The following WARS2 variants were observed in gnomAD, a reference collection of about 807,000 sequenced individuals.
WARS2 encodes the protein tryptophanyl tRNA synthetase 2, mitochondrial.
In WARS2, 28 loss-of-function variants were observed where a neutral mutation model predicts 36.5. The observed-to-expected ratio is 0.77, with a 90% CI of 0.57 to 1.05. The LOEUF is 1.05. WARS2 is among the 50% of genes least tolerant of loss of function. The probability of loss-of-function intolerance (pLI) is 0.00; values close to 1 mark genes in which losing one functional copy is unlikely to be tolerated. For synonymous variants in WARS2, 174 were observed against 178.4 expected (o/e 0.98, Z 0.20); for missense variants, 435 against 456.8 (o/e 0.95, Z 0.44).
intron 3 of WARS2, 130 bp from the exon 4 acceptor site, chr1:119,042,479 T>C (rs189518072): frequency 1.3e-6 from 1 of 745,660 alleles, no homozygotes; most frequent in African/African-American, 1.7e-5. Flanking sequence ...ACATTATACA[T>C]CGGTTCCTTT....
intron 1 of WARS2, among the ~76,000 whole-genome samples, chr1:119,125,329 C>T (rs1056024898): frequency 6.6e-6 from 1 of 152,110 alleles, no homozygotes; most frequent in Non-Finnish European, 1.5e-5. Flanking sequence ...AACTGTGATA[C>T]CCTTTGGCAG....
chr1:119,089,961 A>G (rs1342786954), intron 1 of WARS2, among the ~76,000 whole-genome samples: 1 of 152,108 alleles, frequency 6.6e-6, no homozygotes, highest in Non-Finnish European at 1.5e-5. Context: ...AACACCACAC[A>G]CTGAGGCCTG....
chr1:119,094,711 G>A (rs924667517), intron 1 of WARS2, among the ~76,000 whole-genome samples: 1 of 151,988 alleles, frequency 6.6e-6, no homozygotes, highest in Non-Finnish European at 1.5e-5. Context: ...GCTAAATTCT[G>A]ATTTAATATC....
intron 1 of WARS2, among the ~76,000 whole-genome samples, chr1:119,091,721 A>T (rs1653059048): frequency 6.6e-6 from 1 of 152,238 alleles, no homozygotes; most frequent in Middle Eastern, 3.4e-3. Context: ...TGCTAATTCT[A>T]AACACAGGTG....
intron 1 of WARS2, among the ~76,000 whole-genome samples, chr1:119,112,513 CAGA>C (rs757239240): frequency 1.3e-5 from 2 of 152,188 alleles, no homozygotes; most frequent in African/African-American, 2.4e-5. Context: ...ATGCAGAACA[CAGA>C]AGGACTGAGC....
intron 1 of WARS2, among the ~76,000 whole-genome samples, chr1:119,110,140 T>G (rs1346991953): frequency 3.3e-5 from 5 of 152,046 alleles, no homozygotes; most frequent in Non-Finnish European, 5.9e-5. Context: ...CTATAATTAT[T>G]TTGAATGAAT....
At chr1:119,033,816 ATAC>A (rs1376155355) in intron 5 of WARS2, among the ~76,000 whole-genome samples, 5 of 152,262 alleles carry the variant, frequency 3.3e-5, no homozygotes, top group Non-Finnish European at 7.3e-5. Flanking sequence ...CATAAATTAT[ATAC>A]TACTTTATAA....
At chr1:119,137,928 A>T (rs777789799) in intron 1 of WARS2, among the ~76,000 whole-genome samples, 1 of 152,144 alleles carries the variant, frequency 6.6e-6, no homozygotes. Context: ...AACACTAAAA[A>T]CCATTAAAAC....
chr1:119,117,275 C>T (rs587679213), intron 1 of WARS2, among the ~76,000 whole-genome samples: 2 of 152,192 alleles, frequency 1.3e-5, no homozygotes, highest in South Asian at 4.1e-4. Context: ...TGCAGCAAGC[C>T]CCACCTAAGG....
At chr1:119,055,497 C>T (rs549486047) in intron 2 of WARS2, among the ~76,000 whole-genome samples, 1 of 152,162 alleles carries the variant, frequency 6.6e-6, no homozygotes, top group South Asian at 2.1e-4. Flanking sequence ...AAAAGGTTAG[C>T]TGGACATGAT....
intron 1 of WARS2, among the ~76,000 whole-genome samples, chr1:119,100,387 T>G (rs1653770707): frequency 6.6e-6 from 1 of 152,296 alleles, no homozygotes; most frequent in Non-Finnish European, 1.5e-5. Flanking sequence ...TATGGAGATG[T>G]CTTTAAAAAC....
At chr1:119,109,689 T>C (rs190165695) in intron 1 of WARS2, among the ~76,000 whole-genome samples, 1 of 151,912 alleles carries the variant, frequency 6.6e-6, no homozygotes, top group Non-Finnish European at 1.5e-5. Flanking sequence ...TTTAAACCAA[T>C]GACATTTAAA....
chr1:119,050,828 C>T (rs1649288345), intron 2 of WARS2, among the ~76,000 whole-genome samples: 1 of 151,904 alleles, frequency 6.6e-6, no homozygotes, highest in African/African-American at 2.4e-5. Flanking sequence ...ACACCAAATC[C>T]AAGATTTTGG....
At chr1:119,033,519 C>T (rs1161915416) in intron 5 of WARS2, 160 bp from the exon 6 acceptor site, 8 of 828,560 alleles carry the variant, frequency 9.7e-6, no homozygotes, top group Non-Finnish European at 1.5e-5. Flanking sequence ...AGAAACTGTA[C>T]TTGAAATACC....
At chr1:119,050,284 A>G (rs1649234058) in intron 2 of WARS2, among the ~76,000 whole-genome samples, 1 of 152,156 alleles carries the variant, frequency 6.6e-6, no homozygotes, top group South Asian at 2.1e-4. Context: ...CTTTGCTCTA[A>G]TATCATCTTA....
At position 119,032,731 on chromosome 1, in the gene WARS2, G is replaced by T. The variant is rs187510809; in HGVS notation, c.*180C>A. 1.1e-4 allele frequency: 66 copies of T among 618,580 alleles called. 1 individual carries two copies. The East Asian group carries it at 1.7e-3, about 16-fold the overall frequency. 38.3% of individuals were successfully genotyped at this position (618,580 alleles called of 1,614,324 possible). A position where few individuals can be genotyped will look rare whatever the true frequency, so the allele number is the denominator to read the frequency against. ...TGTTGTTCACAGCATTTTGTTGATG[G>T]GATTTGGAACACTGTCGTATTTCAA... On this transcript the variant is annotated 3_prime_UTR_variant, in exon 6 of 6. Transcript: ENST00000235521.
At chr1:119,065,068 T>TA (rs1650716360) in intron 2 of WARS2, among the ~76,000 whole-genome samples, 1 of 152,124 alleles carries the variant, frequency 6.6e-6, no homozygotes, top group African/African-American at 2.4e-5. Flanking sequence ...ATCAATTTTT[T>TA]AAAAAAGTTA....
Position 119,032,888 on chromosome 1 carries a change from T to C in WARS2, c.*23A>G. 1.9e-6 allele frequency: 3 copies of C among 1,595,486 alleles called. No homozygotes were observed. Among genetic ancestry groups the C allele is most frequent in the Non-Finnish European group, 2.6e-6 (3 of 1,168,982 alleles). ...GCATGGAGTGCAAGGCACAAAAGCC[T>C]TGCTGTGATTCGTTGAAACTTCCTA... On this transcript the variant is annotated 3_prime_UTR_variant, in exon 6 of 6. Transcript: ENST00000235521.
intron 3 of WARS2, among the ~76,000 whole-genome samples, chr1:119,043,407 G>A (rs1648536378): frequency 6.6e-6 from 1 of 152,082 alleles, no homozygotes; most frequent in Non-Finnish European, 1.5e-5. Context: ...CCCTACCAAG[G>A]TGCAGACATA....
Sources: gnomAD v4.1 joint callset for allele counts (sites outside exome capture counted in the v4.1 genomes callset) on GRCh38, gnomAD v4.1.1 for gene constraint, MANE v1.5 for transcripts, NCBI Gene and HGNC (gene_info 2026-07-23, HGNC 2026-07-21) for gene names.